Variants in ROBO1 observed in about 807,000 individuals in gnomAD.
ROBO1 encodes roundabout homolog 1.
Under a neutral mutation model 195.9 loss-of-function variants are expected in ROBO1, and 149 were observed. The observed-to-expected ratio is 0.76, with a 90% CI of 0.67 to 0.87. The LOEUF (loss-of-function observed/expected upper bound fraction) is 0.87. ROBO1 is among the 40% of genes least tolerant of loss of function. The probability of loss-of-function intolerance (pLI) is 0.00; values close to 1 mark genes in which losing one functional copy is unlikely to be tolerated. For synonymous variants in ROBO1, 816 were observed against 733.2 expected, an observed-to-expected ratio of 1.11 and a Z score of -1.82; for missense variants, 1,933 against 2,068.3, an observed-to-expected ratio of 0.93 and a Z score of 1.27.
At chr3:78,633,172 C>T (rs1575810270) in intron 24 of ROBO1, among the ~76,000 whole-genome samples, 2 of 152,204 alleles carry the variant, frequency 1.3e-5, no homozygotes, top group African/African-American at 2.4e-5. Context: ...CATTTCTACC[C>T]TCTCCTGGAG....
chr3:79,198,753 C>T (rs2081694937), intron 2 of ROBO1, among the ~76,000 whole-genome samples: 1 of 152,062 alleles, frequency 6.6e-6, no homozygotes, highest in South Asian at 2.1e-4. Context: ...AGGTCCTTCA[C>T]ATCCCTTGTA....
intron 2 of ROBO1, among the ~76,000 whole-genome samples, chr3:79,231,885 T>TA (rs1325443044): frequency 6.6e-6 from 1 of 152,012 alleles, no homozygotes; most frequent in Admixed American, 6.6e-5. Flanking sequence ...TACATGGCCA[T>TA]AAAAAAGAAC....
rs1707284565 is a variant in ROBO1 at position 78,659,920 on chromosome 3, T to TG, written c.2321-114_2321-113insC. The TG allele has an allele frequency of 1.9e-4, 5 of 26,214 alleles. No homozygotes were observed. The East Asian group carries it at 5.0e-3, about 26-fold the overall frequency. The allele number at this position is 26,214 out of a possible 1,614,324, so 1.6% of individuals were successfully genotyped here. A position where few individuals can be genotyped will look rare whatever the true frequency, so the allele number is the denominator to read the frequency against. On this transcript the variant is annotated intron_variant, in intron 16 of 30. Transcript: ENST00000464233. ...TATTAATACTATATCAATATATGCTTTTTTTTTTTTTTTTTTTTGAGACGG... is the reference window on the plus strand; with the variant it reads ...TATTAATACTATATCAATATATGCTTGTTTTTTTTTTTTTTTTTTGAGACGG...
At chr3:78,672,276 G>A (rs1261405957) in intron 10 of ROBO1, among the ~76,000 whole-genome samples, 1 of 151,954 alleles carries the variant, frequency 6.6e-6, no homozygotes. Flanking sequence ...AAACTATTAT[G>A]TAAATCAGAG....
At chr3:79,622,869 C>T (rs1018210824) in intron 1 of ROBO1, among the ~76,000 whole-genome samples, 1 of 152,210 alleles carries the variant, frequency 6.6e-6, no homozygotes, top group Non-Finnish European at 1.5e-5. Flanking sequence ...GAGTGAGACC[C>T]TCCAACAGGG....
intron 5 of ROBO1, among the ~76,000 whole-genome samples, chr3:78,729,141 C>T (rs529861359): frequency 6.6e-6 from 1 of 152,190 alleles, no homozygotes; most frequent in East Asian, 1.9e-4. Flanking sequence ...TCCTAAATTT[C>T]TCATTTCTTC....
intron 2 of ROBO1, among the ~76,000 whole-genome samples, chr3:79,449,099 C>T (rs2039363096): frequency 6.6e-6 from 1 of 151,950 alleles, no homozygotes; most frequent in Non-Finnish European, 1.5e-5. Context: ...AGTGTGGTGC[C>T]ACACATCTAT....
chr3:79,133,854 G>A (rs1327283635), intron 2 of ROBO1, among the ~76,000 whole-genome samples: 3 of 148,718 alleles, frequency 2.0e-5, no homozygotes, highest in African/African-American at 7.5e-5. Flanking sequence ...ATGTACAGAT[G>A]GGTTTTCGGT....
chr3:79,681,457 G>A (rs1946945998), intron 1 of ROBO1, among the ~76,000 whole-genome samples: 1 of 151,998 alleles, frequency 6.6e-6, no homozygotes, highest in Admixed American at 6.6e-5. Context: ...AGAGGCCACT[G>A]GGAAAGGAAT....
intron 4 of ROBO1, among the ~76,000 whole-genome samples, chr3:78,827,283 G>T (rs1007292148): frequency 1.3e-5 from 2 of 152,096 alleles, no homozygotes; most frequent in Non-Finnish European, 2.9e-5. Flanking sequence ...TTCTTGTCTT[G>T]TTATATGTAA....
intron 3 of ROBO1, among the ~76,000 whole-genome samples, chr3:79,077,739 T>C (rs1235177442): frequency 6.6e-6 from 1 of 151,842 alleles, no homozygotes. Context: ...AATTTAAAGG[T>C]TGAATTTGGA....
intron 4 of ROBO1, among the ~76,000 whole-genome samples, chr3:78,749,364 A>G (rs529640308): frequency 3.9e-5 from 6 of 152,264 alleles, no homozygotes; most frequent in African/African-American, 1.4e-4. Flanking sequence ...AGATAAATCA[A>G]GTTTTTCTTA....
intron 3 of ROBO1, among the ~76,000 whole-genome samples, chr3:78,979,263 C>G (rs2076942763): frequency 6.6e-6 from 1 of 152,160 alleles, no homozygotes; most frequent in Admixed American, 6.6e-5. Context: ...GCTCAGCCTA[C>G]AATAGCATCC....
Position 79,646,863 on chromosome 3 carries a change from C to T in ROBO1, c.-50-56902G>A, listed in dbSNP as rs144179053. Among the ~76,000 whole-genome samples the T allele has an allele frequency of 5.3e-3, 798 of 151,926 alleles. 23 individuals carry two copies. The highest frequency in any genetic ancestry group is 0.048 in the Admixed American group (734 of 15,226). ...TATAATGGAGGTAAAAGAGCAGATC[C>T]CATAAAGACAGAAAGTAGATTGCTG... On this transcript the variant is annotated intron_variant, in intron 1 of 30. Coordinates refer to ENST00000464233, the MANE Select transcript of ROBO1 (RefSeq NM_002941.4).
At chr3:79,479,221 T>G (rs1196635622) in intron 2 of ROBO1, among the ~76,000 whole-genome samples, 1 of 152,240 alleles carries the variant, frequency 6.6e-6, no homozygotes, top group East Asian at 1.9e-4. Context: ...GGGGCGGATT[T>G]CGTGGAAGAT....
At chr3:78,875,747 G>A (rs543406800) in intron 4 of ROBO1, among the ~76,000 whole-genome samples, 24 of 152,122 alleles carry the variant, frequency 1.6e-4, no homozygotes, top group African/African-American at 5.8e-4. Flanking sequence ...AGAGAAGCAT[G>A]AAAATCTGTC....
chr3:78,673,959 A>C (rs1708248817), intron 10 of ROBO1, among the ~76,000 whole-genome samples: 1 of 152,112 alleles, frequency 6.6e-6, no homozygotes, highest in Non-Finnish European at 1.5e-5. Context: ...CCATTTTAGA[A>C]ATCAGGGAAC....
intron 2 of ROBO1, among the ~76,000 whole-genome samples, chr3:79,419,398 G>A (rs1415932484): frequency 6.6e-6 from 1 of 152,030 alleles, no homozygotes; most frequent in East Asian, 1.9e-4. Flanking sequence ...AGAAAGTGAT[G>A]AGTCAGTTTT....
At chr3:79,037,563 T>C (rs1431241254) in intron 3 of ROBO1, among the ~76,000 whole-genome samples, 4 of 152,182 alleles carry the variant, frequency 2.6e-5, no homozygotes, top group Admixed American at 6.5e-5. Flanking sequence ...AGAATTTCCA[T>C]ATATTACTAA....
Sources: allele counts gnomAD v4.1 joint callset (sites outside exome capture counted in the v4.1 genomes callset), GRCh38; gene constraint gnomAD v4.1.1; transcripts MANE v1.5; gene names NCBI Gene and HGNC (gene_info 2026-07-23, HGNC 2026-07-21).